The following ATP8B4 variants were observed in gnomAD, a reference collection of about 807,000 sequenced individuals.
ATP8B4 encodes probable phospholipid-transporting ATPase IM.
ATP8B4 carries 133 observed loss-of-function variants against 145.6 expected under a neutral mutation model. The observed-to-expected ratio is 0.91, with a 90% CI of 0.79 to 1.05. ATP8B4 has a LOEUF of 1.05. Among genes scored for constraint, ATP8B4 ranks in the 50% least tolerant of loss-of-function variants. The probability of loss-of-function intolerance (pLI) is 0.00; values close to 1 mark genes in which losing one functional copy is unlikely to be tolerated. For synonymous variants in ATP8B4, 507 were observed against 492.9 expected (o/e 1.03, Z -0.38); for missense variants, 1,458 against 1,425.2 (o/e 1.02, Z -0.37).
chr15:49,995,220 C>T (rs912936296), intron 9 of ATP8B4, among the ~76,000 whole-genome samples: 5 of 152,162 alleles, frequency 3.3e-5, no homozygotes, highest in Non-Finnish European at 4.4e-5. Context: ...TCTACCTCCT[C>T]GTAGATCAAT....
intron 25 of ATP8B4, among the ~76,000 whole-genome samples, chr15:49,875,060 GTTAA>G (rs945556270): frequency 2.0e-5 from 3 of 152,142 alleles, no homozygotes; most frequent in Non-Finnish European, 2.9e-5. Flanking sequence ...AAATTGTAGG[GTTAA>G]TTGTGAACAC....
At chr15:50,181,794 G>A (rs941450906) in intron 1 of ATP8B4, among the ~76,000 whole-genome samples, 6 of 152,318 alleles carry the variant, frequency 3.9e-5, no homozygotes, top group Admixed American at 2.0e-4. Flanking sequence ...GGAGAGATGA[G>A]ATTCTGGTTT....
chr15:50,141,746 C>T (rs1302200368), intron 1 of ATP8B4, among the ~76,000 whole-genome samples: 2 of 151,534 alleles, frequency 1.3e-5, no homozygotes, highest in East Asian at 3.9e-4. Flanking sequence ...TAAATTATAC[C>T]CCAATAAAGT....
intron 3 of ATP8B4, among the ~76,000 whole-genome samples, chr15:50,061,604 A>G (rs1002332342): frequency 6.6e-6 from 1 of 152,224 alleles, no homozygotes; most frequent in African/African-American, 2.4e-5. Context: ...TATTTAAAGC[A>G]TTCAATTCCA....
chr15:50,038,860 C>A lies in ATP8B4; in HGVS notation c.301-31G>T, dbSNP rs766967457. 4 of 1,588,052 alleles carry A rather than the reference C, an allele frequency of 2.5e-6. No homozygotes were observed. The East Asian group carries it at 6.7e-5, about 27-fold the overall frequency. ...AAATCAAAGTGTTTGTGAGAAAACA[C>A]ATTACAAGGTACTTTGTCAGCCCAA... On this transcript the variant is annotated intron_variant, in intron 5 of 27. Coordinates refer to ENST00000284509, the MANE Select transcript of ATP8B4 (RefSeq NM_024837.4).
intron 5 of ATP8B4, among the ~76,000 whole-genome samples, chr15:50,043,959 CAA>C (rs71424043): frequency 3.6e-4 from 27 of 75,000 alleles, no homozygotes; most frequent in East Asian, 8.9e-4. Context: ...GACTCCGTTT[CAA>C]AAAAAAAAAA....
chr15:50,113,826 G>A (rs907003073), intron 1 of ATP8B4, among the ~76,000 whole-genome samples: 3 of 84,470 alleles, frequency 3.6e-5, no homozygotes, highest in East Asian at 4.0e-4. Context: ...GCAACAACAC[G>A]AAACTCCATC....
At chr15:50,146,082 G>A (rs887745745) in intron 1 of ATP8B4, among the ~76,000 whole-genome samples, 6 of 144,770 alleles carry the variant, frequency 4.1e-5, no homozygotes, top group African/African-American at 1.3e-4. Context: ...GCGCGATCTC[G>A]GGTCACTGCA....
At chr15:50,117,637 G>A (rs1265918433) in intron 1 of ATP8B4, among the ~76,000 whole-genome samples, 1 of 152,130 alleles carries the variant, frequency 6.6e-6, no homozygotes, top group African/African-American at 2.4e-5. Flanking sequence ...ATATGATCCA[G>A]CAATCCCACT....
Position 49,981,215 on chromosome 15 carries a change from T to G in ATP8B4, c.828A>C (p.Leu276=), listed in dbSNP as rs1221417819. The change falls in exon 11 of 28, where the codon CTA becomes CTC. Residue 276 remains leucine, a synonymous_variant. Coordinates refer to ENST00000284509, the MANE Select transcript of ATP8B4 (RefSeq NM_024837.4). ...TAGTTTTGTAACTTACCCATAGTAC[T>G]AGAGTATTCATCAATCTATCAATGC... ...RTSIDRLMNT[L]VLWIFGFLIC... 5 of 1,595,072 alleles carry G rather than the reference T, an allele frequency of 3.1e-6. No individual in the cohort carries two copies. The Admixed American group carries it at 6.7e-5, about 21-fold the overall frequency.
intron 20 of ATP8B4, among the ~76,000 whole-genome samples, chr15:49,912,470 G>A (rs1477291103): frequency 6.6e-6 from 1 of 152,092 alleles, no homozygotes; most frequent in Non-Finnish European, 1.5e-5. Context: ...ATTGAATCAG[G>A]AAGAAACGGA....
intron 6 of ATP8B4, among the ~76,000 whole-genome samples, chr15:50,017,219 G>A (rs761590829): frequency 6.6e-6 from 1 of 152,164 alleles, no homozygotes; most frequent in African/African-American, 2.4e-5. Context: ...GTACAATAAA[G>A]TTGGGAGATA....
At chr15:49,955,939 G>A (rs1346293596) in intron 14 of ATP8B4, among the ~76,000 whole-genome samples, 2 of 151,984 alleles carry the variant, frequency 1.3e-5, no homozygotes, top group African/African-American at 4.8e-5. Context: ...AAATTCTACA[G>A]ATTTGCTATG....
At chr15:50,132,416 T>C (rs945793592) in intron 1 of ATP8B4, among the ~76,000 whole-genome samples, 2 of 152,116 alleles carry the variant, frequency 1.3e-5, no homozygotes, top group Non-Finnish European at 2.9e-5. Context: ...TAAGACACCA[T>C]CTCATGCCAG....
chr15:50,117,572 T>C (rs1348895236), intron 1 of ATP8B4, among the ~76,000 whole-genome samples: 3 of 152,140 alleles, frequency 2.0e-5, no homozygotes, highest in Non-Finnish European at 2.9e-5. Context: ...AGGCACAATA[T>C]AGGTTAAAAT....
intron 19 of ATP8B4, chr15:49,917,278 C>T (rs975282738): frequency 1.6e-5 from 7 of 441,170 alleles, no homozygotes; most frequent in African/African-American, 1.4e-4. Context: ...AACGAATGTG[C>T]AGCCTTCTCA....
chr15:50,084,287 T>G (rs1429734550), intron 2 of ATP8B4, among the ~76,000 whole-genome samples: 1 of 152,104 alleles, frequency 6.6e-6, no homozygotes, highest in African/African-American at 2.4e-5. Flanking sequence ...AACAAAAAAA[T>G]AGGAGCCTCA....
intron 13 of ATP8B4, among the ~76,000 whole-genome samples, chr15:49,962,446 C>CT (rs2153508919): frequency 6.6e-6 from 1 of 152,306 alleles, no homozygotes; most frequent in South Asian, 2.1e-4. Flanking sequence ...CCAGACACAT[C>CT]TGTGTAATAT....
At chr15:50,104,773 C>T (rs7173633) in intron 2 of ATP8B4, among the ~76,000 whole-genome samples, 97,169 of 151,780 alleles carry the variant, frequency 0.64, 32,786 homozygotes, top group Middle Eastern at 0.83. Flanking sequence ...TACTTGCACA[C>T]GCATGTTTAT....
Sources: allele counts gnomAD v4.1 joint callset (sites outside exome capture counted in the v4.1 genomes callset), GRCh38; gene constraint gnomAD v4.1.1; transcripts MANE v1.5; gene names NCBI Gene and HGNC (gene_info 2026-07-23, HGNC 2026-07-21).